Variants in SLC4A10 observed in about 807,000 individuals in gnomAD.
SLC4A10 encodes solute carrier family 4 member 10.
A neutral mutation model predicts 137.7 loss-of-function variants in SLC4A10; 42 were observed. The ratio of observed to expected loss-of-function variants is 0.30; its 90% CI spans 0.24 to 0.39. The LOEUF (loss-of-function observed/expected upper bound fraction) is 0.39, where lower values mean the gene tolerates loss of function less well. SLC4A10 is among the 10% of genes least tolerant of loss of function. The pLI, the probability that SLC4A10 is intolerant of heterozygous loss-of-function variation, is 1.00. For missense variants in SLC4A10, 925 were observed against 1,355.0 expected (o/e 0.68, Z 4.98); for synonymous variants, 474 against 464.1 (o/e 1.02, Z -0.27).
intron 3 of SLC4A10, among the ~76,000 whole-genome samples, chr2:161,818,705 C>T (rs2057342000): frequency 6.6e-6 from 1 of 152,136 alleles, no homozygotes; most frequent in Non-Finnish European, 1.5e-5. Flanking sequence ...TGAATTTTGT[C>T]AAAGGCCTTT....
chr2:161,897,968 G>A (rs1389288489), intron 11 of SLC4A10, among the ~76,000 whole-genome samples: 1 of 152,116 alleles, frequency 6.6e-6, no homozygotes, highest in Admixed American at 6.6e-5. Context: ...TTTGAGGCAA[G>A]TTGAGTGATG....
chr2:161,972,409 T>G (rs1198347629), intron 23 of SLC4A10, among the ~76,000 whole-genome samples: 1 of 152,202 alleles, frequency 6.6e-6, no homozygotes, highest in Non-Finnish European at 1.5e-5. Flanking sequence ...CTAACTCAGC[T>G]GTAAGGCAAG....
chr2:161,751,346 A>G (rs1473267486), intron 1 of SLC4A10, among the ~76,000 whole-genome samples: 1 of 83,584 alleles, frequency 1.2e-5, no homozygotes, highest in Non-Finnish European at 2.6e-5. Context: ...TCTTTGTTGC[A>G]TTTTGCTTTT....
At chr2:161,868,979 G>A (rs1384094935) in intron 6 of SLC4A10, among the ~76,000 whole-genome samples, 1 of 151,484 alleles carries the variant, frequency 6.6e-6, no homozygotes, top group African/African-American at 2.4e-5. Flanking sequence ...AGTGGACAAA[G>A]GTAATATAAA....
chr2:161,851,978 C>T (rs1490491721), intron 4 of SLC4A10, among the ~76,000 whole-genome samples: 1 of 152,174 alleles, frequency 6.6e-6, no homozygotes, highest in Non-Finnish European at 1.5e-5. Context: ...CAGCCTCGAT[C>T]TCCTGGGCTC....
chr2:161,825,114 T>G (rs966519041), intron 3 of SLC4A10, among the ~76,000 whole-genome samples: 6 of 152,204 alleles, frequency 3.9e-5, no homozygotes, highest in Non-Finnish European at 8.8e-5. Context: ...ATGTGTTAAT[T>G]GACTATGTTA....
At chr2:161,830,362 C>G (rs781458488) in intron 3 of SLC4A10, among the ~76,000 whole-genome samples, 1 of 152,034 alleles carries the variant, frequency 6.6e-6, no homozygotes, top group Non-Finnish European at 1.5e-5. Context: ...TACAATTTTT[C>G]CATCCATTTT....
chr2:161,706,380 T>C (rs562458129), intron 1 of SLC4A10, among the ~76,000 whole-genome samples: 2 of 151,670 alleles, frequency 1.3e-5, no homozygotes, highest in Non-Finnish European at 3.0e-5. Context: ...AGATTAGGAA[T>C]GAACCTTGCT....
chr2:161,828,778 A>ATG lies in SLC4A10; in HGVS notation c.278-11010_278-11009insGT, dbSNP rs1559342720. Among the ~76,000 whole-genome samples, 63 of 74,440 alleles carry ATG rather than the reference A, an allele frequency of 8.5e-4. 1 individual carries two copies. Among genetic ancestry groups the ATG allele is most frequent in the Non-Finnish European group, 1.4e-3 (52 of 37,440 alleles). The allele number at this position is 74,440 out of a possible 152,430, so 48.8% of individuals were successfully genotyped here. ...TTTTAATTCTAATTCATATATATATATATATATATATATATATATATATAT... is the reference window on the plus strand; with the variant it reads ...TTTTAATTCTAATTCATATATATATATGTATATATATATATATATATATATAT... On this transcript the variant is annotated intron_variant, in intron 3 of 26. Transcript: ENST00000446997.
intron 26 of SLC4A10, among the ~76,000 whole-genome samples, chr2:161,978,709 T>G (rs1388802010): frequency 2.6e-5 from 4 of 152,184 alleles, no homozygotes; most frequent in African/African-American, 9.6e-5. Flanking sequence ...TCTCTCTCTC[T>G]GTGTGTCTCT....
intron 3 of SLC4A10, among the ~76,000 whole-genome samples, chr2:161,805,053 T>C (rs373671683): frequency 3.3e-4 from 50 of 152,276 alleles, no homozygotes; most frequent in Non-Finnish European, 5.6e-4. Context: ...TAATTGGACT[T>C]ACAGTACCAC....
intron 1 of SLC4A10, among the ~76,000 whole-genome samples, chr2:161,650,602 C>A (rs2036656390): frequency 6.6e-6 from 1 of 152,232 alleles, no homozygotes; most frequent in Admixed American, 6.5e-5. Flanking sequence ...CCCCCTGCCC[C>A]CACAAGCTTG....
intron 2 of SLC4A10, among the ~76,000 whole-genome samples, chr2:161,801,924 C>A (rs1443835481): frequency 1.3e-5 from 2 of 152,038 alleles, no homozygotes; most frequent in Non-Finnish European, 2.9e-5. Context: ...TCCCAGAGAT[C>A]ATGTTTTAAT....
At chr2:161,926,251 A>G (rs867533643) in intron 15 of SLC4A10, among the ~76,000 whole-genome samples, 1 of 142,246 alleles carries the variant, frequency 7.0e-6, no homozygotes, top group Non-Finnish European at 1.6e-5. Flanking sequence ...TTAGATACAT[A>G]TATATTTAGG....
At chr2:161,674,364 T>TTGA (rs1438836085) in intron 1 of SLC4A10, among the ~76,000 whole-genome samples, 1 of 152,220 alleles carries the variant, frequency 6.6e-6, no homozygotes, top group Non-Finnish European at 1.5e-5. Context: ...TGAAGTAGCA[T>TTGA]TGATAGTGCA....
At chr2:161,917,430 C>T (rs1276483217) in intron 15 of SLC4A10, among the ~76,000 whole-genome samples, 1 of 151,502 alleles carries the variant, frequency 6.6e-6, no homozygotes, top group Non-Finnish European at 1.5e-5. Context: ...GTTGTAGATA[C>T]CTAGAAACAA....
chr2:161,780,738 A>G (rs1001061886), intron 2 of SLC4A10, among the ~76,000 whole-genome samples: 1 of 152,034 alleles, frequency 6.6e-6, no homozygotes, highest in Non-Finnish European at 1.5e-5. Flanking sequence ...TATTGCATGT[A>G]AAGTAATTCA....
At chr2:161,818,926 G>T (rs1004228706) in intron 3 of SLC4A10, among the ~76,000 whole-genome samples, 2 of 152,122 alleles carry the variant, frequency 1.3e-5, no homozygotes, top group South Asian at 2.1e-4. Context: ...AAGGATATTG[G>T]TCTAAAATTC....
chr2:161,820,095 A>G (rs906201126), intron 3 of SLC4A10, among the ~76,000 whole-genome samples: 13 of 152,366 alleles, frequency 8.5e-5, no homozygotes, highest in African/African-American at 3.1e-4. Flanking sequence ...TGTTTAAAAT[A>G]TGGTACACAA....
Sources: gnomAD v4.1 joint callset for allele counts (sites outside exome capture counted in the v4.1 genomes callset) on GRCh38, gnomAD v4.1.1 for gene constraint, MANE v1.5 for transcripts, NCBI Gene and HGNC (gene_info 2026-07-23, HGNC 2026-07-21) for gene names.